STAT5B: variants seen among roughly 807,000 people sequenced by gnomAD.
STAT5B encodes the protein signal transducer and activator of transcription 5B, also known as transcription factor STAT5B.
Under a neutral mutation model 107.8 loss-of-function variants are expected in STAT5B, and 21 were observed. The observed-to-expected ratio is 0.19, with a 90% CI of 0.14 to 0.28. STAT5B has a LOEUF of 0.28. Among genes scored for constraint, STAT5B ranks in the 10% least tolerant of loss-of-function variants. The pLI is 1.00. For missense variants in STAT5B, 565 were observed against 1,008.2 expected, an observed-to-expected ratio of 0.56 and a Z score of 5.95; for synonymous variants, 325 against 401.7, an observed-to-expected ratio of 0.81 and a Z score of 2.28.
chr17:42,227,765 TTTC>T, intron 2 of STAT5B, 80 bp from the exon 3 acceptor site: 1 of 1,451,344 alleles, frequency 6.9e-7, no homozygotes, highest in Non-Finnish European at 9.5e-7. Flanking sequence ...CATCCTACTT[TTTC>T]TTCAACTAAA....
upstream of STAT5B, among the ~76,000 whole-genome samples, chr17:42,277,813 T>C (rs1428024785): frequency 2.0e-5 from 3 of 150,770 alleles, no homozygotes; most frequent in Non-Finnish European, 4.4e-5. Context: ...TGGAGTGAAA[T>C]GGTGCGGTCT....
intron 18 of STAT5B, 29 bp from the exon 19 acceptor site, chr17:42,201,893 G>C (rs1232794066): frequency 2.5e-6 from 4 of 1,610,808 alleles, no homozygotes; most frequent in Non-Finnish European, 3.4e-6. Context: ...GGGATGAAGG[G>C]AAGGGGAAAG....
At position 42,224,770 on chromosome 17, in the gene STAT5B, G is replaced by A. The variant is rs536912143; in HGVS notation, c.375+9C>T. Reference sequence around the variant, plus strand: ...CCGACTGCCCTCCCCATCCCTATGGGACACTCACATTGTTGGCTTCTCGGA... The same window carrying A: ...CCGACTGCCCTCCCCATCCCTATGGAACACTCACATTGTTGGCTTCTCGGA... On this transcript the variant is annotated intron_variant, in intron 4 of 18. Coordinates refer to ENST00000293328, the MANE Select transcript of STAT5B (RefSeq NM_012448.4). The A allele has an allele frequency of 5.0e-6, 8 of 1,613,666 alleles. No homozygotes were observed. The Admixed American group carries it at 1.3e-4, about 27-fold the overall frequency.
intron 3 of STAT5B, among the ~76,000 whole-genome samples, chr17:42,225,244 G>A (rs1006714242): frequency 6.6e-6 from 1 of 151,934 alleles, no homozygotes; most frequent in African/African-American, 2.4e-5. Flanking sequence ...TAGTAGAGAT[G>A]GGGTTCCACC....
At position 42,253,745 on chromosome 17, in the gene STAT5B, A is replaced by C. The variant is rs2080518974; in HGVS notation, c.-10-21608T>G. Among the ~76,000 whole-genome samples, 4 of 152,114 alleles carry C rather than the reference A, an allele frequency of 2.6e-5. No individual in the cohort carries two copies. In the South Asian group the frequency reaches 8.3e-4, roughly 32 times the overall value. The stretch of plus-strand genomic sequence containing the variant: ...GACTGGAGAGCAGTGGCATGAACAC[A>C]ACTCATTGCAGCCTGTGACTCCTGG... On this transcript the variant is annotated intron_variant, in intron 1 of 18. Coordinates refer to ENST00000293328, the MANE Select transcript of STAT5B (RefSeq NM_012448.4).
intron 1 of STAT5B, 91 bp from the exon 2 acceptor site, chr17:42,232,228 A>G: frequency 7.5e-7 from 1 of 1,327,404 alleles, no homozygotes. Context: ...TACCAAGGTA[A>G]ATGTTTTTAT....
chr17:42,218,592 C>T, intron 8 of STAT5B, 131 bp downstream of exon 8: 3 of 1,552,020 alleles, frequency 1.9e-6, no homozygotes, highest in Non-Finnish European at 2.6e-6. Flanking sequence ...AGGGCCACAG[C>T]AACTGGAGAT....
At chr17:42,207,319 G>C (rs1380297799) in intron 16 of STAT5B, among the ~76,000 whole-genome samples, 3 of 152,028 alleles carry the variant, frequency 2.0e-5, no homozygotes, top group African/African-American at 7.2e-5. Flanking sequence ...GTATTAAAAA[G>C]AATTTGTTTT....
chr17:42,263,031 AT>A (rs373970830), intron 1 of STAT5B, among the ~76,000 whole-genome samples: 28,151 of 88,202 alleles, frequency 0.32, 5,524 homozygotes, highest in South Asian at 0.45. Flanking sequence ...AACAAAAACA[AT>A]TTTTTTTTTT....
intron 2 of STAT5B, 140 bp from the exon 3 acceptor site, chr17:42,227,825 GA>G: frequency 1.2e-6 from 1 of 806,200 alleles, no homozygotes. Context: ...CAGCCCAACA[GA>G]AATGGACTCA....
In STAT5B at chr17:42,202,398, C is replaced by T; in HGVS notation, c.2179G>A (p.Asp727Asn). 1 of 1,614,224 alleles carries T rather than the reference C, an allele frequency of 6.2e-7. No homozygotes were observed. The highest frequency in any genetic ancestry group is 2.2e-5 in the East Asian group (1 of 44,882). The change falls in exon 18 of 19, where the codon GAC (aspartate) becomes AAC (asparagine). Residue 727 changes from aspartate (D) to asparagine (N), a missense_variant. Physicochemically the swap from Asp to Asn is conservative, Grantham distance 23. This residue lies in a region of STAT5B where 76 missense variants were observed against 110.2 expected (regional missense o/e 0.69). Coordinates refer to ENST00000293328, the MANE Select transcript of STAT5B (RefSeq NM_012448.4). Reference sequence around the variant, plus strand: ...CACACAGCTGGGGAGGGGGCCTGGTCCATGTACGTGGCGCTGCCGCCCCCG... The same window carrying T: ...CACACAGCTGGGGAGGGGGCCTGGTTCATGTACGTGGCGCTGCCGCCCCCG... ...DAGGGSATYM[D>N]QAPSPAVCPQ... is the part of the protein sequence containing the mutation.
chr17:42,212,801 T>C (rs1173359046), intron 12 of STAT5B, among the ~76,000 whole-genome samples: 2 of 152,338 alleles, frequency 1.3e-5, no homozygotes, highest in Middle Eastern at 3.4e-3. Flanking sequence ...CTTTTTTCAA[T>C]AGGTGATTTT....
intron 12 of STAT5B, among the ~76,000 whole-genome samples, chr17:42,215,696 G>A (rs942392375): frequency 1.3e-5 from 2 of 151,994 alleles, no homozygotes; most frequent in African/African-American, 2.4e-5. Context: ...TCGGCTCACT[G>A]CAACCTCTGC....
intron 1 of STAT5B, among the ~76,000 whole-genome samples, chr17:42,250,653 G>A (rs1404316748): frequency 2.0e-5 from 3 of 152,092 alleles, no homozygotes; most frequent in Admixed American, 2.0e-4. Flanking sequence ...GGCCGGGCGC[G>A]GTGGCTCATG....
intron 1 of STAT5B, chr17:42,274,835 T>C (rs904260635): frequency 5.3e-5 from 8 of 152,180 alleles, no homozygotes; most frequent in African/African-American, 1.9e-4. Flanking sequence ...TTTGAAATAA[T>C]GTAGACCCAA....
At chr17:42,218,032 G>A in intron 9 of STAT5B, 119 bp downstream of exon 9, 1 of 1,509,664 alleles carries the variant, frequency 6.6e-7, no homozygotes, top group Non-Finnish European at 9.0e-7. Flanking sequence ...TTCCTTTGCT[G>A]ATGCCCAGAA....
rs568514660 is a variant in STAT5B, at chr17:42,220,866, G to A, written c.551-1024C>T. Among the ~76,000 whole-genome samples the A allele has an allele frequency of 2.0e-5, 3 of 152,276 alleles. No individual in the cohort carries two copies. The East Asian group carries it at 5.8e-4, about 29-fold the overall frequency. ...CCTGTGTATCAATAACCCAGGCTAA[G>A]AAAGTAAACATGTCCACAGTTACAA... is the stretch of plus-strand genomic sequence containing the variant. On this transcript the variant is annotated intron_variant, in intron 5 of 18. Transcript: ENST00000293328.
At chr17:42,218,999 T>C in intron 7 of STAT5B, 121 bp from the exon 8 acceptor site, 3 of 918,190 alleles carry the variant, frequency 3.3e-6, no homozygotes, top group Non-Finnish European at 5.0e-6. Context: ...TTCCCACCCA[T>C]GGGAAGAGCA....
chr17:42,247,324 C>T (rs1275693484), intron 1 of STAT5B, among the ~76,000 whole-genome samples: 3 of 152,164 alleles, frequency 2.0e-5, no homozygotes, highest in South Asian at 2.1e-4. Context: ...CAGTTTGCCC[C>T]GTTTTCCAGG....
Sources: gnomAD v4.1 joint callset for allele counts (sites outside exome capture counted in the v4.1 genomes callset) on GRCh38, gnomAD v4.1.1 for gene constraint, gnomAD v4.1.1 regional missense constraint, MANE v1.5 for transcripts, NCBI Gene and HGNC (gene_info 2026-07-23, HGNC 2026-07-21) for gene names.